Variants in BCL2 observed in about 807,000 individuals in gnomAD.
The protein encoded by BCL2 is apoptosis regulator Bcl-2.
Under a neutral mutation model 14.2 loss-of-function variants are expected in BCL2, and 1 was observed. That is an observed-to-expected ratio of 0.07 (90% CI 0.02 to 0.33). The LOEUF is 0.33. Ranked by LOEUF, BCL2 falls within the 10% of genes least tolerant of loss-of-function variation. The pLI is 0.99. For missense variants in BCL2, 247 were observed against 305.9 expected, an observed-to-expected ratio of 0.81 and a Z score of 1.44; for synonymous variants, 151 against 137.2, an observed-to-expected ratio of 1.10 and a Z score of -0.70.
At position 63,163,995 on chromosome 18, in the gene BCL2, G is replaced by A. The variant is rs148132379; in HGVS notation, c.586-35236C>T. Reference sequence around the variant, plus strand: ...AGCTTATCTTCTGTATGGATACCATGTTACAGTTATGTGTACTAAATCCAT... The same window carrying A: ...AGCTTATCTTCTGTATGGATACCATATTACAGTTATGTGTACTAAATCCAT... On this transcript the variant is annotated intron_variant, in intron 2 of 2. Coordinates refer to ENST00000333681, the MANE Select transcript of BCL2 (RefSeq NM_000633.3). Among the ~76,000 whole-genome samples, 22 of 152,302 alleles carry A rather than the reference G, an allele frequency of 1.4e-4. No individual in the cohort carries two copies. In the East Asian group the frequency reaches 4.2e-3, roughly 29 times the overall value.
chr18:63,258,137 A>AC (rs2144219617), intron 2 of BCL2, among the ~76,000 whole-genome samples: 1 of 152,276 alleles, frequency 6.6e-6, no homozygotes, highest in South Asian at 2.1e-4. Flanking sequence ...CAAGCTAAGG[A>AC]CCGATGGCAC....
Position 63,123,923 on chromosome 18 carries a change from C to T in BCL2, c.*4702G>A, listed in dbSNP as rs1913842156. 4.6e-6 allele frequency: 1 copy of T among 219,366 alleles called. No homozygotes were observed. The highest frequency in any genetic ancestry group is 2.2e-5 in the African/African-American group (1 of 44,484). The allele number at this position is 219,366 out of a possible 1,614,324, so 13.6% of individuals were successfully genotyped here. A position where few individuals can be genotyped will look rare whatever the true frequency, so the allele number is the denominator to read the frequency against. ...TATTTATTAATAGTCTCAGAATTTT[C>T]TTGATTGAGCGAGCCTTTCCATCCT... On this transcript the variant is annotated 3_prime_UTR_variant, in exon 3 of 3. Coordinates refer to ENST00000333681, the MANE Select transcript of BCL2 (RefSeq NM_000633.3).
chr18:63,318,715 C>T lies in BCL2; in HGVS notation c.-49G>A, dbSNP rs780722376. On this transcript the variant is annotated 5_prime_UTR_variant, in exon 2 of 3. Coordinates refer to ENST00000333681, the MANE Select transcript of BCL2 (RefSeq NM_000633.3). The surrounding 1 kb of genome is among the most constrained non-coding windows in gnomAD (Gnocchi z 7.4). ...GGGCCAACGGCACCTCTCGCCCCAG[C>T]TCCCACCCCACGGCCCCCAGAGAAA... The T allele has an allele frequency of 1.2e-6, 2 of 1,609,594 alleles. No individual in the cohort carries two copies. The highest frequency in any genetic ancestry group is 1.7e-5 in the Admixed American group (1 of 59,338).
chr18:63,157,950 CT>C (rs142371788), intron 2 of BCL2, among the ~76,000 whole-genome samples: 1,615 of 149,676 alleles, frequency 0.011, 20 homozygotes, highest in African/African-American at 0.036. Flanking sequence ...TTCTTTTCTT[CT>C]TTTTTTTTTC....
chr18:63,275,079 C>T (rs2144245644), intron 2 of BCL2, among the ~76,000 whole-genome samples: 1 of 151,898 alleles, frequency 6.6e-6, no homozygotes, highest in Admixed American at 6.6e-5. Flanking sequence ...CTCTAATATC[C>T]TTTTATATAA....
At chr18:63,153,725 C>G (rs1247480501) in intron 2 of BCL2, among the ~76,000 whole-genome samples, 1 of 152,200 alleles carries the variant, frequency 6.6e-6, no homozygotes, top group Admixed American at 6.5e-5. Flanking sequence ...TACCCAACAG[C>G]AAGAACATCG....
chr18:63,172,792 A>C (rs1362298485), intron 2 of BCL2, among the ~76,000 whole-genome samples: 1 of 152,168 alleles, frequency 6.6e-6, no homozygotes, highest in Admixed American at 6.5e-5. Flanking sequence ...AAAACAAAAA[A>C]CAAAAAACAA....
At chr18:63,300,561 T>C (rs1032931638) in intron 2 of BCL2, among the ~76,000 whole-genome samples, 7 of 152,120 alleles carry the variant, frequency 4.6e-5, no homozygotes, top group African/African-American at 1.4e-4. Flanking sequence ...TTCACACAAG[T>C]AAATTTTTCA....
Position 63,318,364 on chromosome 18 carries a change from G to A in BCL2, c.303C>T (p.Gly101=), listed in dbSNP as rs1208924867. The change falls in exon 2 of 3, where the codon GGC becomes GGT. Residue 101 remains glycine, a synonymous_variant. Transcript: ENST00000333681. The surrounding 1 kb of genome is among the most constrained non-coding windows in gnomAD (Gnocchi z 7.4). ...GGCGGTAGCGGCGGGAGAAGTCGTC[G>A]CCGGCCTGGCGGAGGGTCAGGTGGA... is the stretch of plus-strand genomic sequence containing the variant. ...PVVHLTLRQA[G]DDFSRRYRRD... 6.2e-7 allele frequency: 1 copy of A among 1,605,400 alleles called. No individual in the cohort carries two copies. Among genetic ancestry groups the A allele is most frequent in the Non-Finnish European group, 8.5e-7 (1 of 1,175,150 alleles).
chr18:63,262,775 A>G (rs1219213532), intron 2 of BCL2, among the ~76,000 whole-genome samples: 1 of 152,190 alleles, frequency 6.6e-6, no homozygotes, highest in African/African-American at 2.4e-5. Flanking sequence ...GGAAAAAGGG[A>G]AAGTACATCA....
chr18:63,292,874 G>A (rs561379750), intron 2 of BCL2, among the ~76,000 whole-genome samples: 17 of 152,294 alleles, frequency 1.1e-4, no homozygotes, highest in Admixed American at 8.5e-4. Context: ...CAGTAGGCAC[G>A]GGCCCAGAGA....
In BCL2 at chr18:63,126,455, G is replaced by A. The variant is rs1479937104; in HGVS notation, c.*2170C>T. On this transcript the variant is annotated 3_prime_UTR_variant, in exon 3 of 3. Coordinates refer to ENST00000333681, the MANE Select transcript of BCL2 (RefSeq NM_000633.3). The stretch of plus-strand genomic sequence containing the variant: ...GGATTTTTAACTGAATGAATCTCAT[G>A]GGTTTAACCAAACATGCATGTAATC... 4 of 227,554 alleles carry A rather than the reference G, an allele frequency of 1.8e-5. No individual in the cohort carries two copies. The highest frequency in any genetic ancestry group is 3.5e-5 in the Non-Finnish European group (4 of 114,510). The allele number at this position is 227,554 out of a possible 1,614,324, so 14.1% of individuals were successfully genotyped here.
chr18:63,297,788 A>T (rs1912840544), intron 2 of BCL2, among the ~76,000 whole-genome samples: 1 of 152,154 alleles, frequency 6.6e-6, no homozygotes, highest in Non-Finnish European at 1.5e-5. Context: ...ATGAAATTCC[A>T]GGCGTGGCAT....
At chr18:63,259,881 A>G (rs2144222195) in intron 2 of BCL2, among the ~76,000 whole-genome samples, 1 of 152,358 alleles carries the variant, frequency 6.6e-6, no homozygotes, top group South Asian at 2.1e-4. Flanking sequence ...CTCATACAGA[A>G]GAGAGTGTGG....
chr18:63,184,389 A>G (rs938201983), intron 2 of BCL2, among the ~76,000 whole-genome samples: 1 of 152,250 alleles, frequency 6.6e-6, no homozygotes, highest in Non-Finnish European at 1.5e-5. Flanking sequence ...ACAGATGAAT[A>G]CACTGGCATT....
chr18:63,241,195 C>G (rs1262688786), intron 2 of BCL2, among the ~76,000 whole-genome samples: 1 of 152,236 alleles, frequency 6.6e-6, no homozygotes, highest in East Asian at 1.9e-4. Context: ...TGGTGGTTAT[C>G]CTTGCTGTAA....
chr18:63,181,449 C>A (rs1433253003), intron 2 of BCL2, among the ~76,000 whole-genome samples: 3 of 152,298 alleles, frequency 2.0e-5, no homozygotes, highest in African/African-American at 7.2e-5. Context: ...GGATCCCAAG[C>A]ACTGGCCGTC....
At chr18:63,307,446 C>T (rs1350508219) in intron 2 of BCL2, among the ~76,000 whole-genome samples, 3 of 152,234 alleles carry the variant, frequency 2.0e-5, no homozygotes, top group African/African-American at 7.2e-5. Context: ...GTTATTCTCA[C>T]ACACAGGCCA....
At chr18:63,129,867 CAG>C (rs1479246979) in intron 2 of BCL2, among the ~76,000 whole-genome samples, 1 of 152,100 alleles carries the variant, frequency 6.6e-6, no homozygotes, top group Non-Finnish European at 1.5e-5. Flanking sequence ...AGGGAGCTGT[CAG>C]GGGGTTTCTC....
Sources: allele counts gnomAD v4.1 joint callset (sites outside exome capture counted in the v4.1 genomes callset), GRCh38; gene constraint gnomAD v4.1.1; non-coding constraint Gnocchi (gnomAD v3.1); transcripts MANE v1.5; gene names NCBI Gene and HGNC (gene_info 2026-07-23, HGNC 2026-07-21).